The following NRG1 variants were observed in gnomAD, a reference collection of about 807,000 sequenced individuals.
NRG1 encodes pro-neuregulin-1, membrane-bound isoform.
In NRG1, 18 loss-of-function variants were observed where a neutral mutation model predicts 63.8. The ratio of observed to expected loss-of-function variants is 0.28; its 90% CI spans 0.19 to 0.42. NRG1 has a LOEUF of 0.42. Among genes scored for constraint, NRG1 ranks in the 10% least tolerant of loss-of-function variants. The probability of loss-of-function intolerance (pLI) is 1.00; values close to 1 mark genes in which losing one functional copy is unlikely to be tolerated. For synonymous variants in NRG1, 302 were observed against 301.3 expected (o/e 1.00, Z -0.02); for missense variants, 762 against 814.7 (o/e 0.94, Z 0.79).
chr8:32,649,378 T>C lies in NRG1; in HGVS notation c.502+32493T>C, dbSNP rs562640510. On this transcript the variant is annotated intron_variant, in intron 5 of 11. Transcript: ENST00000356819. ...TAGAAGGGAGGAGTTTTCTGTAGCC[T>C]TTTAAAAATGTTTCTAGTTTATTTT... 1.2e-4 allele frequency among the ~76,000 whole-genome samples: 19 copies of C among 152,278 alleles called. No homozygotes were observed. In the East Asian group the frequency reaches 3.5e-3, roughly 28 times the overall value.
chr8:32,113,110 C>T (rs1002565550), intron 1 of NRG1, among the ~76,000 whole-genome samples: 1 of 152,130 alleles, frequency 6.6e-6, no homozygotes, highest in African/African-American at 2.4e-5. Flanking sequence ...CGAAGTTGAC[C>T]TCACTGTGCA....
chr8:32,710,197 C>T (rs1198344550), intron 5 of NRG1, among the ~76,000 whole-genome samples: 3 of 152,100 alleles, frequency 2.0e-5, no homozygotes, highest in African/African-American at 7.2e-5. Flanking sequence ...ATGTTATATA[C>T]AAATGAGGTT....
chr8:32,068,448 G>C (rs1306683543), intron 1 of NRG1, among the ~76,000 whole-genome samples: 1 of 152,162 alleles, frequency 6.6e-6, no homozygotes, highest in African/African-American at 2.4e-5. Flanking sequence ...GAAGATGATG[G>C]ATCCAACAAA....
intron 1 of NRG1, among the ~76,000 whole-genome samples, chr8:32,408,891 C>T (rs151194856): frequency 0.017 from 2,654 of 152,178 alleles, 33 homozygotes; most frequent in Non-Finnish European, 0.028. Context: ...CCTCCTCCCA[C>T]CCTCCCATCT....
chr8:31,887,218 T>C (rs1830785525), intron 1 of NRG1, among the ~76,000 whole-genome samples: 2 of 152,138 alleles, frequency 1.3e-5, no homozygotes, highest in African/African-American at 2.4e-5. Flanking sequence ...TTTCCCGTGA[T>C]AGAGACCAAC....
chr8:32,463,914 G>T (rs1587800325), intron 1 of NRG1, among the ~76,000 whole-genome samples: 2 of 24,032 alleles, frequency 8.3e-5, no homozygotes, highest in Non-Finnish European at 8.2e-5. Context: ...TTTTTTTTTT[G>T]GGGGAGGGTC....
chr8:32,226,946 A>C (rs1410456794), intron 1 of NRG1, among the ~76,000 whole-genome samples: 1 of 152,204 alleles, frequency 6.6e-6, no homozygotes, highest in Admixed American at 6.5e-5. Flanking sequence ...GTGTCCTACA[A>C]ATGTCCATGC....
chr8:32,667,954 TG>T (rs1336391851), intron 5 of NRG1, among the ~76,000 whole-genome samples: 1 of 152,160 alleles, frequency 6.6e-6, no homozygotes, highest in East Asian at 1.9e-4. Context: ...GACTCACACC[TG>T]TAATCTCAGC....
intron 1 of NRG1, among the ~76,000 whole-genome samples, chr8:32,105,550 G>A (rs1436750701): frequency 6.6e-6 from 1 of 152,108 alleles, no homozygotes; most frequent in African/African-American, 2.4e-5. Flanking sequence ...TGGGAATTGT[G>A]GGAGCTACAA....
chr8:32,411,596 A>G (rs28635357), intron 1 of NRG1, among the ~76,000 whole-genome samples: 37,684 of 152,124 alleles, frequency 0.25, 4,956 homozygotes, highest in Middle Eastern at 0.34. Context: ...GACCTTCATT[A>G]GGGCATTATG....
At chr8:31,833,567 T>G (rs1825380617) in intron 1 of NRG1, among the ~76,000 whole-genome samples, 1 of 152,198 alleles carries the variant, frequency 6.6e-6, no homozygotes, top group Non-Finnish European at 1.5e-5. Context: ...TGGGCACCAG[T>G]GGTTGCTCAA....
chr8:32,684,875 T>C (rs1809676737), intron 5 of NRG1, among the ~76,000 whole-genome samples: 1 of 152,102 alleles, frequency 6.6e-6, no homozygotes, highest in African/African-American at 2.4e-5. Context: ...CGCATACATA[T>C]CCTAGTTTAG....
At position 32,306,531 on chromosome 8, in the gene NRG1, G is replaced by C. The variant is rs561346720; in HGVS notation, c.38-289297G>C. On this transcript the variant is annotated intron_variant, in intron 1 of 10. Transcript: ENST00000519301. ...ATTAATGGACTCAGGGCTTTGTTGA[G>C]TCTGGACACTAGAGAATTGGACAAA... Among the ~76,000 whole-genome samples, 5 of 152,310 alleles carry C rather than the reference G, an allele frequency of 3.3e-5. No homozygotes were observed. In the South Asian group the frequency reaches 1.0e-3, roughly 32 times the overall value.
intron 1 of NRG1, among the ~76,000 whole-genome samples, chr8:31,892,341 A>C (rs757543441): frequency 3.9e-5 from 6 of 152,030 alleles, no homozygotes; most frequent in Non-Finnish European, 7.4e-5. Context: ...CTTCCCTTTC[A>C]GTTTTTGTTT....
intron 1 of NRG1, among the ~76,000 whole-genome samples, chr8:32,179,058 A>G (rs1197264681): frequency 6.6e-6 from 1 of 152,170 alleles, no homozygotes; most frequent in Non-Finnish European, 1.5e-5. Flanking sequence ...CTATGATTTC[A>G]GACTCATTAC....
downstream of NRG1, among the ~76,000 whole-genome samples, chr8:32,768,727 C>T (rs1378341155): frequency 6.6e-6 from 1 of 152,176 alleles, no homozygotes; most frequent in African/African-American, 2.4e-5. Flanking sequence ...ATATTCCAAG[C>T]ATTTCACTCA....
intron 1 of NRG1, among the ~76,000 whole-genome samples, chr8:31,669,134 C>T (rs1233035244): frequency 6.6e-6 from 1 of 152,060 alleles, no homozygotes; most frequent in African/African-American, 2.4e-5. Context: ...TGGCTCACTG[C>T]AGACTTGACC....
At chr8:32,297,632 A>G (rs1855049206) in intron 1 of NRG1, among the ~76,000 whole-genome samples, 1 of 152,188 alleles carries the variant, frequency 6.6e-6, no homozygotes, top group African/African-American at 2.4e-5. Flanking sequence ...AGTTGAGTAC[A>G]GCCAAGTACA....
At chr8:32,092,754 G>A (rs1194243790) in intron 1 of NRG1, among the ~76,000 whole-genome samples, 1 of 152,156 alleles carries the variant, frequency 6.6e-6, no homozygotes, top group African/African-American at 2.4e-5. Flanking sequence ...TCAAGACCAA[G>A]CCTTGAGGAC....
Sources: gnomAD v4.1 joint callset for allele counts (sites outside exome capture counted in the v4.1 genomes callset) on GRCh38, gnomAD v4.1.1 for gene constraint, MANE v1.5 for transcripts, NCBI Gene and HGNC (gene_info 2026-07-23, HGNC 2026-07-21) for gene names.